The following PPP2R5B variants were observed in gnomAD, a reference collection of about 807,000 sequenced individuals.
The protein encoded by PPP2R5B is protein phosphatase 2 regulatory subunit B'beta.
PPP2R5B carries 19 observed loss-of-function variants against 59.9 expected under a neutral mutation model. That is an observed-to-expected ratio of 0.32 (90% CI 0.22 to 0.47). The LOEUF (loss-of-function observed/expected upper bound fraction) is 0.47, where lower values mean the gene tolerates loss of function less well. Ranked by LOEUF, PPP2R5B falls within the 20% of genes least tolerant of loss-of-function variation. The pLI is 1.00. For missense variants in PPP2R5B, 441 were observed against 640.2 expected (o/e 0.69, Z 3.36); for synonymous variants, 286 against 260.5 (o/e 1.10, Z -0.94).
Position 64,925,861 on chromosome 11 carries a change from C to G in PPP2R5B, c.127C>G (p.Arg43Gly), listed in dbSNP as rs139878967. Reference protein sequence around the residue: ...RRSLRRARPRRSHSSSQFRYQ... With the variant: ...RRSLRRARPRGSHSSSQFRYQ... ...TTCCCTCCGCAGAGCCCGGCCCCGC[C>G]GCTCCCACAGCTCCTCTCAGTTCCG... The change falls in exon 2 of 14, where the codon CGC (arginine) becomes GGC (glycine). Residue 43 changes from arginine (R) to glycine (G), a missense_variant. Physicochemically the swap from Arg to Gly is moderately radical, Grantham distance 125 (BLOSUM62 -2). This residue lies in a region of PPP2R5B where 103 missense variants were observed against 87.9 expected (regional missense o/e 1.17). Transcript: ENST00000164133. This position sits in a 1 kb window ranked among gnomAD's most constrained non-coding sequence, Gnocchi z 4.6. The G allele has an allele frequency of 1.6e-5, 26 of 1,611,826 alleles. No individual in the cohort carries two copies. Among genetic ancestry groups the G allele is most frequent in the Non-Finnish European group, 2.2e-5 (26 of 1,179,844 alleles).
In PPP2R5B at chr11:64,930,316, T is replaced by A; in HGVS notation, c.723-6T>A. The A allele has an allele frequency of 6.2e-7, 1 of 1,614,006 alleles. No homozygotes were observed. Among genetic ancestry groups the A allele is most frequent in the Non-Finnish European group, 8.5e-7 (1 of 1,179,934 alleles). ...CTTTGAGCCCACCTGCGTTCTTCTC[T>A]TGCAGGTTCATCTATGAATTCGAGC... On this transcript the variant is annotated splice_polypyrimidine_tract_variant and splice_region_variant and intron_variant, in intron 6 of 13. Coordinates refer to ENST00000164133, the MANE Select transcript of PPP2R5B (RefSeq NM_006244.4).
At chr11:64,923,110 C>T (rs549745898), upstream of PPP2R5B, 3 of 152,334 alleles carry the variant, frequency 2.0e-5, no homozygotes, top group South Asian at 6.2e-4. Flanking sequence ...CAGGTATGAG[C>T]CATCACACCT....
intron 12 of PPP2R5B, 99 bp from the exon 13 acceptor site, chr11:64,933,046 T>C: frequency 1.3e-6 from 2 of 1,493,176 alleles, no homozygotes; most frequent in Non-Finnish European, 1.9e-6. Flanking sequence ...TGGGCAGTGC[T>C]TGTGTTCAGG....
intron 13 of PPP2R5B, 76 bp downstream of exon 13, chr11:64,933,322 C>A: frequency 7.9e-7 from 1 of 1,263,072 alleles, no homozygotes; most frequent in East Asian, 2.4e-5. Flanking sequence ...GGAGGGAACC[C>A]GAGGACTACC....
chr11:64,925,835 G>T lies in PPP2R5B; in HGVS notation c.101G>T (p.Arg34Leu), dbSNP rs760251777. Residue 34 changes from arginine to leucine, a missense_variant, in exon 2 of 14, where the codon CGT (arginine) becomes CTT (leucine). Arg to Leu is a moderately radical substitution (Grantham distance 102). This residue lies in a region of PPP2R5B where 103 missense variants were observed against 87.9 expected (regional missense o/e 1.17). Transcript: ENST00000164133. This position sits in a 1 kb window ranked among gnomAD's most constrained non-coding sequence, Gnocchi z 4.6. ...GACAAGGTGGACGGCTTCTCCCGCC[G>T]TTCCCTCCGCAGAGCCCGGCCCCGC... ...PPDKVDGFSR[R>L]SLRRARPRRS... 6 of 1,601,788 alleles carry T rather than the reference G, an allele frequency of 3.7e-6. No individual in the cohort carries two copies. Among genetic ancestry groups the T allele is most frequent in the Non-Finnish European group, 5.1e-6 (6 of 1,175,282 alleles).
chr11:64,923,522 C>T (rs76891350), upstream of PPP2R5B, among the ~76,000 whole-genome samples: 5,181 of 152,242 alleles, frequency 0.034, 263 homozygotes, highest in African/African-American at 0.12. Flanking sequence ...AGTCCTGGAC[C>T]CCAGCCTGGT....
At position 64,930,530 on chromosome 11, in the gene PPP2R5B, C is replaced by T; in HGVS notation, c.832C>T (p.Leu278=). Residue 278 remains leucine (L), a synonymous_variant, in exon 8 of 14, where the codon CTG becomes TTG. Coordinates refer to ENST00000164133, the MANE Select transcript of PPP2R5B (RefSeq NM_006244.4). ...LPLKTEHKQF[L]VRVLIPLHSV... is the part of the protein sequence containing the mutation. ...CCTGAAGACGGAGCACAAGCAGTTC[C>T]TGGTTCGCGTCCTGATCCCCCTGCA... The T allele has an allele frequency of 6.2e-7, 1 of 1,614,184 alleles. No individual in the cohort carries two copies. The highest frequency in any genetic ancestry group is 8.5e-7 in the Non-Finnish European group (1 of 1,180,046).
At chr11:64,933,659 G>A (rs1236280245) in intron 13 of PPP2R5B, 38 bp from the exon 14 acceptor site, 1 of 1,533,736 alleles carries the variant, frequency 6.5e-7, no homozygotes. Context: ...ACTGTGGGGG[G>A]CCCCAGGAAA....
rs56053333 is a variant in PPP2R5B, at chr11:64,925,614, GCC to G, written c.-112_-111del. The G allele has an allele frequency of 1.1e-5, 5 of 450,996 alleles. No individual in the cohort carries two copies. The highest frequency in any genetic ancestry group is 4.5e-5 in the African/African-American group (2 of 44,582). The allele number at this position is 450,996 out of a possible 1,614,324, so 27.9% of individuals were successfully genotyped here. A position where few individuals can be genotyped will look rare whatever the true frequency, so the allele number is the denominator to read the frequency against. ...GGGGGGGGCCCAGGACTGTGGTTGT[GCC>G]CCCCCCCCAAAGGCCGGACAGGATG... On this transcript the variant is annotated 5_prime_UTR_variant, in exon 2 of 14. Transcript: ENST00000164133. The surrounding 1 kb of genome is among the most constrained non-coding windows in gnomAD (Gnocchi z 4.6).
chr11:64,919,329 C>T (rs897859873), intron 1 of PPP2R5B, among the ~76,000 whole-genome samples: 1 of 129,278 alleles, frequency 7.7e-6, no homozygotes, highest in Non-Finnish European at 1.6e-5. Context: ...GCTGACAGAG[C>T]GAGATTCTGT....
chr11:64,921,658 G>A (rs887279203), upstream of PPP2R5B, among the ~76,000 whole-genome samples: 1 of 152,182 alleles, frequency 6.6e-6, no homozygotes, highest in South Asian at 2.1e-4. Flanking sequence ...TCAAGGATGG[G>A]TGGAGCTGGA....
intron 6 of PPP2R5B, 147 bp downstream of exon 6, chr11:64,928,572 T>A: frequency 2.4e-6 from 3 of 1,247,422 alleles, no homozygotes; most frequent in South Asian, 2.8e-5. Flanking sequence ...AGGTGAGGAG[T>A]TTGAGACCAA....
chr11:64,931,412 C>G lies in PPP2R5B; in HGVS notation c.892-24C>G. The G allele has an allele frequency of 6.2e-7, 1 of 1,613,506 alleles. No individual in the cohort carries two copies. The highest frequency in any genetic ancestry group is 1.3e-5 in the African/African-American group (1 of 75,018). ...GGTGCCTTCCTGACCTGTCTTCCTT[C>G]CCTCCACCTGTCACCCCCTGCAGCT... On this transcript the variant is annotated intron_variant, in intron 8 of 13. Coordinates refer to ENST00000164133, the MANE Select transcript of PPP2R5B (RefSeq NM_006244.4). The surrounding 1 kb of genome is among the most constrained non-coding windows in gnomAD (Gnocchi z 5.0).
rs200592076 is a variant in PPP2R5B, at chr11:64,925,731, C to G, written c.-4C>G. On this transcript the variant is annotated 5_prime_UTR_variant, in exon 2 of 14. Coordinates refer to ENST00000164133, the MANE Select transcript of PPP2R5B (RefSeq NM_006244.4). The surrounding 1 kb of genome is among the most constrained non-coding windows in gnomAD (Gnocchi z 4.6). ...CTGAAAGCTTGCCCTGCCGCCTGAC[C>G]GCCATGGAGACGAAGCTGCCCCCTG... is the stretch of plus-strand genomic sequence containing the variant. 14 of 1,584,660 alleles carry G rather than the reference C, an allele frequency of 8.8e-6. No individual in the cohort carries two copies. Among genetic ancestry groups the G allele is most frequent in the African/African-American group, 1.3e-5 (1 of 74,246 alleles).
chr11:64,926,870 G>A lies in PPP2R5B; in HGVS notation c.358G>A (p.Val120Ile), dbSNP rs1945170409. Residue 120 changes from valine (V) to isoleucine (I), a missense_variant, in exon 3 of 14, where the codon GTC (valine) becomes ATC (isoleucine). This residue lies in a region of PPP2R5B where 268 missense variants were observed against 488.1 expected (regional missense o/e 0.55). Coordinates refer to ENST00000164133, the MANE Select transcript of PPP2R5B (RefSeq NM_006244.4). ...GGAGTGTGTGGGGAGCACCCGGGGT[G>A]TCCTCATCGAGCCCGTCTACCCAGA... The part of the protein sequence containing the change: ...LVECVGSTRG[V>I]LIEPVYPDII... 6.2e-7 allele frequency: 1 copy of A among 1,614,176 alleles called. No individual in the cohort carries two copies. Among genetic ancestry groups the A allele is most frequent in the Non-Finnish European group, 8.5e-7 (1 of 1,180,024 alleles).
chr11:64,925,749 GC>G lies in PPP2R5B; in HGVS notation c.20del (p.Pro7LeufsTer71). On this transcript the variant is annotated frameshift_variant, in exon 2 of 14. Transcript: ENST00000164133. LOFTEE classifies it high-confidence loss of function. The surrounding 1 kb of genome is among the most constrained non-coding windows in gnomAD (Gnocchi z 4.6). METKL[P>X]PASTPTSPSS... ...GCCTGACCGCCATGGAGACGAAGCTGCCCCCTGCAAGCACCCCCACTAGCCC... is the reference window on the plus strand; with the variant it reads ...GCCTGACCGCCATGGAGACGAAGCTGCCCCTGCAAGCACCCCCACTAGCCC... 1.3e-6 allele frequency: 2 copies of G among 1,591,380 alleles called. No homozygotes were observed. Among genetic ancestry groups the G allele is most frequent in the East Asian group, 2.3e-5 (1 of 44,156 alleles).
rs890128394 is a variant in PPP2R5B, at chr11:64,934,405, G to A, written c.*561G>A. The A allele has an allele frequency of 1.1e-5, 4 of 359,794 alleles. No individual in the cohort carries two copies. Among genetic ancestry groups the A allele is most frequent in the South Asian group, 2.7e-5 (1 of 36,846 alleles). 22.3% of individuals were successfully genotyped at this position (359,794 alleles called of 1,614,324 possible). A position where few individuals can be genotyped will look rare whatever the true frequency, so the allele number is the denominator to read the frequency against. On this transcript the variant is annotated 3_prime_UTR_variant, in exon 14 of 14. Transcript: ENST00000164133. ...ATTCACAGTGTCCTGGGGTAAGGGG[G>A]GGTTCACAGTAATCATGGTCTACTC...
Position 64,931,695 on chromosome 11 carries a change from G to C in PPP2R5B, c.997-54G>C. 6.2e-7 allele frequency: 1 copy of C among 1,614,012 alleles called. No individual in the cohort carries two copies. ...GCAGTCAGGTGTGTGTATGTGTAGGGGGAGATGTGAGCTGCTGCCCCTCTG... is the reference window on the plus strand; with the variant it reads ...GCAGTCAGGTGTGTGTATGTGTAGGCGGAGATGTGAGCTGCTGCCCCTCTG... On this transcript the variant is annotated intron_variant, in intron 10 of 13. Coordinates refer to ENST00000164133, the MANE Select transcript of PPP2R5B (RefSeq NM_006244.4). This position sits in a 1 kb window ranked among gnomAD's most constrained non-coding sequence, Gnocchi z 5.0.
At chr11:64,932,180 A>G (rs1945233989) in intron 11 of PPP2R5B, among the ~76,000 whole-genome samples, 1 of 152,134 alleles carries the variant, frequency 6.6e-6, no homozygotes, top group African/African-American at 2.4e-5. Flanking sequence ...TGTTTGGTAA[A>G]CTGAAGTGTG....
Sources: allele counts gnomAD v4.1 joint callset (sites outside exome capture counted in the v4.1 genomes callset), GRCh38; gene constraint gnomAD v4.1.1; regional missense constraint gnomAD v4.1.1; non-coding constraint Gnocchi (gnomAD v3.1); transcripts MANE v1.5; gene names NCBI Gene and HGNC (gene_info 2026-07-23, HGNC 2026-07-21).